AGBL4: variants seen among roughly 807,000 people sequenced by gnomAD.
AGBL4 encodes the protein cytosolic carboxypeptidase 6.
In AGBL4, 58 loss-of-function variants were observed where a neutral mutation model predicts 66.4. The ratio of observed to expected loss-of-function variants is 0.87; its 90% CI spans 0.71 to 1.09. The LOEUF (loss-of-function observed/expected upper bound fraction) is 1.09, where lower values mean the gene tolerates loss of function less well. Among genes scored for constraint, AGBL4 ranks in the 50% least tolerant of loss-of-function variants. The pLI is 0.00. For missense variants in AGBL4, 579 were observed against 631.0 expected (o/e 0.92, Z 0.88); for synonymous variants, 234 against 222.9 (o/e 1.05, Z -0.44).
At chr1:49,292,304 T>G (rs890599464) in intron 3 of AGBL4, among the ~76,000 whole-genome samples, 1 of 152,146 alleles carries the variant, frequency 6.6e-6, no homozygotes, top group African/African-American at 2.4e-5. Flanking sequence ...AAAGCCTGGA[T>G]GTCATGAACA....
At chr1:49,213,442 C>T (rs1648830340) in intron 4 of AGBL4, among the ~76,000 whole-genome samples, 3 of 151,946 alleles carry the variant, frequency 2.0e-5, no homozygotes, top group Non-Finnish European at 2.9e-5. Context: ...GTGCTGTCTT[C>T]GTGATAATGA....
chr1:48,634,746 A>G, intron 8 of AGBL4, 142 bp from the exon 9 acceptor site: 2 of 565,298 alleles, frequency 3.5e-6, no homozygotes, highest in Non-Finnish European at 6.1e-6. Flanking sequence ...TAAGTACTTT[A>G]TATGAGTTAA....
chr1:48,579,250 T>G (rs1340670812), intron 11 of AGBL4, among the ~76,000 whole-genome samples: 2 of 152,092 alleles, frequency 1.3e-5, no homozygotes, highest in East Asian at 3.9e-4. Flanking sequence ...TTTTTTTAGA[T>G]GAAGGCTTGC....
intron 3 of AGBL4, among the ~76,000 whole-genome samples, chr1:49,636,030 G>T (rs1036821584): frequency 6.6e-6 from 1 of 152,132 alleles, no homozygotes; most frequent in Non-Finnish European, 1.5e-5. Context: ...ACATTTGCTG[G>T]GTTCTAGGGC....
chr1:49,582,893 T>G (rs1246040665), intron 3 of AGBL4, among the ~76,000 whole-genome samples: 1 of 152,204 alleles, frequency 6.6e-6, no homozygotes, highest in Non-Finnish European at 1.5e-5. Context: ...TCTATGCTCT[T>G]GCATGCCTAT....
intron 4 of AGBL4, among the ~76,000 whole-genome samples, chr1:49,134,341 G>A (rs552988685): frequency 1.2e-4 from 19 of 152,110 alleles, no homozygotes; most frequent in East Asian, 3.9e-4. Flanking sequence ...GCAGAGAACC[G>A]GTCTGACTAG....
intron 2 of AGBL4, among the ~76,000 whole-genome samples, chr1:49,824,028 T>C (rs1442456549): frequency 6.6e-6 from 1 of 151,888 alleles, no homozygotes; most frequent in East Asian, 1.9e-4. Context: ...CTGACCAACA[T>C]GGAGAAACCC....
At chr1:49,008,385 G>C (rs1336991745) in intron 5 of AGBL4, among the ~76,000 whole-genome samples, 2 of 151,782 alleles carry the variant, frequency 1.3e-5, no homozygotes, top group Admixed American at 6.6e-5. Flanking sequence ...AGCAAGTCCT[G>C]AGTGACTTGC....
At chr1:49,594,091 T>C (rs1414914253) in intron 3 of AGBL4, among the ~76,000 whole-genome samples, 1 of 152,204 alleles carries the variant, frequency 6.6e-6, no homozygotes, top group Non-Finnish European at 1.5e-5. Flanking sequence ...AATTCGGCTC[T>C]TTATATATGC....
chr1:49,386,354 A>G (rs533734648), intron 3 of AGBL4, among the ~76,000 whole-genome samples: 2 of 151,864 alleles, frequency 1.3e-5, no homozygotes, highest in South Asian at 4.2e-4. Flanking sequence ...GTAGTCTTTG[A>G]CCATTAAAAT....
chr1:49,886,514 G>C (rs1648053495), intron 1 of AGBL4, among the ~76,000 whole-genome samples: 1 of 152,132 alleles, frequency 6.6e-6, no homozygotes, highest in Non-Finnish European at 1.5e-5. Context: ...GCAAGGCAGT[G>C]GTACAATCTA....
intron 8 of AGBL4, among the ~76,000 whole-genome samples, chr1:48,643,393 C>A (rs1471560419): frequency 6.6e-6 from 1 of 152,078 alleles, no homozygotes; most frequent in African/African-American, 2.4e-5. Flanking sequence ...ATGTAGGATG[C>A]AGCCTAGACC....
rs114469339 is a variant in AGBL4, at chr1:49,437,145, G to A, written c.283-191281C>T. 6.0e-3 allele frequency among the ~76,000 whole-genome samples: 911 copies of A among 152,170 alleles called. 6 individuals are homozygous for A. Among genetic ancestry groups the A allele is most frequent in the Non-Finnish European group, 9.8e-3 (664 of 68,002 alleles). On this transcript the variant is annotated intron_variant, in intron 3 of 13. Coordinates refer to ENST00000371839, the MANE Select transcript of AGBL4 (RefSeq NM_032785.4). ...GGAGAGTTGGAGTTGAGGACAGCCC[G>A]GGTCAGAGAAGTATCTACCCTGCTT...
At chr1:49,797,843 A>C (rs1233180930) in intron 2 of AGBL4, among the ~76,000 whole-genome samples, 3 of 151,122 alleles carry the variant, frequency 2.0e-5, no homozygotes, top group Non-Finnish European at 4.4e-5. Flanking sequence ...CGGTCACTGT[A>C]ACTTCCGCCT....
chr1:49,002,918 C>A (rs1427516180), intron 5 of AGBL4, among the ~76,000 whole-genome samples: 1 of 152,144 alleles, frequency 6.6e-6, no homozygotes, highest in Non-Finnish European at 1.5e-5. Context: ...TGTGTATAGA[C>A]CAGGAGCAGA....
At chr1:49,495,751 A>C (rs1482636750) in intron 3 of AGBL4, among the ~76,000 whole-genome samples, 1 of 152,042 alleles carries the variant, frequency 6.6e-6, no homozygotes, top group Non-Finnish European at 1.5e-5. Context: ...AGGTATTATT[A>C]GTACTTCATA....
At chr1:49,668,612 T>A (rs1264679833) in intron 3 of AGBL4, among the ~76,000 whole-genome samples, 1 of 152,178 alleles carries the variant, frequency 6.6e-6, no homozygotes, top group Non-Finnish European at 1.5e-5. Context: ...AGAAAGCGAC[T>A]GTCTACAATT....
intron 2 of AGBL4, among the ~76,000 whole-genome samples, chr1:49,747,428 A>T (rs1049377877): frequency 6.6e-6 from 1 of 152,190 alleles, no homozygotes; most frequent in African/African-American, 2.4e-5. Flanking sequence ...TAAATATAAC[A>T]TAAGAAATTC....
At chr1:48,672,648 G>A (rs1390653657) in intron 6 of AGBL4, among the ~76,000 whole-genome samples, 3 of 152,212 alleles carry the variant, frequency 2.0e-5, no homozygotes, top group East Asian at 1.9e-4. Flanking sequence ...CCCTATGCCC[G>A]CTCTCAACCT....
Sources: gnomAD v4.1 joint callset for allele counts (sites outside exome capture counted in the v4.1 genomes callset) on GRCh38, gnomAD v4.1.1 for gene constraint, MANE v1.5 for transcripts, NCBI Gene and HGNC (gene_info 2026-07-23, HGNC 2026-07-21) for gene names.